RIN2: variants seen among roughly 807,000 people sequenced by gnomAD.
RIN2 encodes RAB5 interacting protein 2.
Under a neutral mutation model 78.0 loss-of-function variants are expected in RIN2, and 36 were observed. The ratio of observed to expected loss-of-function variants is 0.46; its 90% confidence interval spans 0.35 to 0.61. The LOEUF is 0.61. Among genes scored for constraint, RIN2 ranks in the 20% least tolerant of loss-of-function variants. The pLI, the probability that RIN2 is intolerant of heterozygous loss-of-function variation, is 0.00. For missense variants in RIN2, 1,087 were observed against 1,159.7 expected, an observed-to-expected ratio of 0.94 and a Z score of 0.91; for synonymous variants, 466 against 466.8, an observed-to-expected ratio of 1.00 and a Z score of 0.02.
intron 1 of RIN2, among the ~76,000 whole-genome samples, chr20:19,796,062 G>A (rs1449413897): frequency 1.3e-5 from 2 of 148,180 alleles, no homozygotes; most frequent in Non-Finnish European, 3.0e-5. Context: ...GAAAGAAAGA[G>A]AAGAGAAGGA....
At chr20:19,798,220 A>G (rs755288975) in intron 1 of RIN2, among the ~76,000 whole-genome samples, 3 of 152,016 alleles carry the variant, frequency 2.0e-5, no homozygotes, top group Non-Finnish European at 4.4e-5. Flanking sequence ...CTATTTTTTT[A>G]TATAAGAACC....
intron 2 of RIN2, among the ~76,000 whole-genome samples, chr20:19,866,872 G>A (rs1425840222): frequency 6.6e-6 from 1 of 152,072 alleles, no homozygotes; most frequent in African/African-American, 2.4e-5. Flanking sequence ...CGATTCTCCC[G>A]CCTTGGCCTC....
chr20:19,913,768 CT>C (rs1380705460), intron 3 of RIN2, among the ~76,000 whole-genome samples: 4 of 152,108 alleles, frequency 2.6e-5, no homozygotes, highest in Non-Finnish European at 5.9e-5. Context: ...AATTTTCTTC[CT>C]TTTTAAGGCT....
At chr20:19,849,729 G>T (rs1224450287) in intron 2 of RIN2, among the ~76,000 whole-genome samples, 1 of 152,044 alleles carries the variant, frequency 6.6e-6, no homozygotes, top group Non-Finnish European at 1.5e-5. Context: ...ACTCCCAAAA[G>T]GAAATAGTTT....
chr20:19,851,015 AAGGAAGG>A (rs1215345862), intron 2 of RIN2, among the ~76,000 whole-genome samples: 1 of 103,794 alleles, frequency 9.6e-6, no homozygotes, highest in East Asian at 3.0e-4. Flanking sequence ...GGAAGGAAGG[AAGGAAGG>A]AAGGAAGGAA....
At chr20:19,952,218 A>G (rs890833025) in intron 4 of RIN2, among the ~76,000 whole-genome samples, 1 of 152,178 alleles carries the variant, frequency 6.6e-6, no homozygotes, top group African/African-American at 2.4e-5. Context: ...TCAGTATGTC[A>G]CTGGCAGTGA....
At chr20:19,918,353 TTG>T (rs3059683) in intron 3 of RIN2, among the ~76,000 whole-genome samples, 8,228 of 147,020 alleles carry the variant, frequency 0.056, 300 homozygotes, top group Middle Eastern at 0.1. Flanking sequence ...TACAAATACA[TTG>T]TGTGTGTGTG....
intron 2 of RIN2, among the ~76,000 whole-genome samples, chr20:19,875,979 C>A (rs1006002474): frequency 6.6e-6 from 1 of 152,142 alleles, no homozygotes; most frequent in African/African-American, 2.4e-5. Flanking sequence ...AGGGCACAGC[C>A]GGGGTCCCTC....
At chr20:19,792,381 C>T (rs1296178858) in intron 1 of RIN2, among the ~76,000 whole-genome samples, 1 of 152,174 alleles carries the variant, frequency 6.6e-6, no homozygotes, top group Non-Finnish European at 1.5e-5. Context: ...TGTCATTTCT[C>T]GTGAACATTT....
intron 2 of RIN2, among the ~76,000 whole-genome samples, chr20:19,849,418 G>C (rs2036887273): frequency 6.6e-6 from 1 of 152,206 alleles, no homozygotes; most frequent in Admixed American, 6.5e-5. Flanking sequence ...GGGCATGGAA[G>C]TGCCAGACCC....
rs576172592 is a variant in RIN2, at chr20:19,829,918, T to A, written c.-37+30171T>A. Among the ~76,000 whole-genome samples, 46 of 152,364 alleles carry A rather than the reference T, an allele frequency of 3.0e-4. No individual in the cohort carries two copies. The South Asian group carries it at 9.3e-3, about 31-fold the overall frequency. On this transcript the variant is annotated intron_variant, in intron 2 of 12. Transcript: ENST00000255006. ...TCACTCAGTTCCCAACAAAGCCTTG[T>A]GGGAGCCCATCTGCGTGGTAGAATC...
chr20:19,934,631 A>T (rs766659130), intron 3 of RIN2: 52 of 971,182 alleles, frequency 5.4e-5, no homozygotes, highest in Non-Finnish European at 6.0e-5. Flanking sequence ...TGTAAGCTGG[A>T]TATATCTTTT....
chr20:19,857,908 G>A (rs757905761), intron 2 of RIN2, among the ~76,000 whole-genome samples: 6 of 152,132 alleles, frequency 3.9e-5, no homozygotes, highest in Non-Finnish European at 7.3e-5. Flanking sequence ...AATATTCTCT[G>A]TAGTGAAGGC....
At chr20:19,955,070 TG>T (rs777228285) in intron 4 of RIN2, among the ~76,000 whole-genome samples, 4 of 152,192 alleles carry the variant, frequency 2.6e-5, no homozygotes, top group Non-Finnish European at 5.9e-5. Flanking sequence ...TCCATCACCC[TG>T]GAAAGAAACC....
At chr20:19,927,342 G>A (rs993495654) in intron 3 of RIN2, among the ~76,000 whole-genome samples, 2 of 152,134 alleles carry the variant, frequency 1.3e-5, no homozygotes, top group Non-Finnish European at 2.9e-5. Context: ...TGAACTCCTG[G>A]GCTCAAGTGA....
At chr20:19,785,854 C>T (rs1302038064) in intron 1 of RIN2, among the ~76,000 whole-genome samples, 6 of 152,002 alleles carry the variant, frequency 3.9e-5, no homozygotes, top group South Asian at 2.1e-4. Flanking sequence ...TAAATGATGC[C>T]GTATTTTATA....
intron 3 of RIN2, among the ~76,000 whole-genome samples, chr20:19,905,127 C>G (rs2039161727): frequency 6.6e-6 from 1 of 152,156 alleles, no homozygotes; most frequent in Admixed American, 6.5e-5. Context: ...TCCCCTTGAC[C>G]TGGCTGGGGT....
intron 3 of RIN2, among the ~76,000 whole-genome samples, chr20:19,929,258 A>G (rs1030931538): frequency 1.3e-5 from 2 of 152,144 alleles, no homozygotes; most frequent in African/African-American, 4.8e-5. Flanking sequence ...AGGTACAGGG[A>G]TGTGTTAGAG....
At chr20:19,782,826 C>T (rs187622421) in intron 1 of RIN2, among the ~76,000 whole-genome samples, 44 of 152,282 alleles carry the variant, frequency 2.9e-4, no homozygotes, top group African/African-American at 1.1e-3. Flanking sequence ...TATTTCCTAC[C>T]TGGTACAGAG....
Sources: allele counts gnomAD v4.1 joint callset (sites outside exome capture counted in the v4.1 genomes callset), GRCh38; gene constraint gnomAD v4.1.1; transcripts MANE v1.5; gene names NCBI Gene and HGNC (gene_info 2026-07-23, HGNC 2026-07-21).